PRMT3: variants seen among roughly 807,000 people sequenced by gnomAD.
PRMT3 encodes the protein protein arginine N-methyltransferase 3.
In PRMT3, 62 loss-of-function variants were observed where a neutral mutation model predicts 71.9. That is an observed-to-expected ratio of 0.86 (90% CI 0.70 to 1.07). The LOEUF is 1.07. Ranked by LOEUF, PRMT3 falls within the 50% of genes least tolerant of loss-of-function variation. The probability of loss-of-function intolerance (pLI) is 0.00; values close to 1 mark genes in which losing one functional copy is unlikely to be tolerated. For missense variants in PRMT3, 663 were observed against 643.0 expected (o/e 1.03, Z -0.34); for synonymous variants, 213 against 220.4 (o/e 0.97, Z 0.30).
chr11:20,446,559 G>A (rs974654488), intron 10 of PRMT3, among the ~76,000 whole-genome samples: 8 of 152,034 alleles, frequency 5.3e-5, no homozygotes, highest in Non-Finnish European at 8.8e-5. Flanking sequence ...TTCTCCATAA[G>A]CTCTATACCT....
intron 13 of PRMT3, among the ~76,000 whole-genome samples, chr11:20,491,532 G>A (rs778392247): frequency 9.2e-5 from 14 of 152,206 alleles, no homozygotes; most frequent in Non-Finnish European, 1.8e-4. Flanking sequence ...CGAGCAGACA[G>A]TTGACCAAGT....
chr11:20,476,052 AAAAC>A, intron 13 of PRMT3, among the ~76,000 whole-genome samples: 1 of 152,124 alleles, frequency 6.6e-6, no homozygotes, highest in Middle Eastern at 3.4e-3. Context: ...CAGGCACATA[AAAAC>A]AAATAAAACA....
At chr11:20,390,406 A>G (rs1361766066) in intron 3 of PRMT3, among the ~76,000 whole-genome samples, 2 of 152,236 alleles carry the variant, frequency 1.3e-5, no homozygotes, top group African/African-American at 4.8e-5. Flanking sequence ...ATGTGATTAC[A>G]TATTAGATTT....
chr11:20,388,597 C>T lies in PRMT3; in HGVS notation c.164+443C>T, dbSNP rs569451265. On this transcript the variant is annotated intron_variant, in intron 2 of 15. Coordinates refer to ENST00000331079, the MANE Select transcript of PRMT3 (RefSeq NM_005788.4). Reference sequence around the variant, plus strand: ...CTGAACTAGATAATCCCTACGGAGCCTTCCGGCTTTACCATGCTAATTCTT... The same window carrying T: ...CTGAACTAGATAATCCCTACGGAGCTTTCCGGCTTTACCATGCTAATTCTT... Among the ~76,000 whole-genome samples the T allele has an allele frequency of 3.3e-5, 5 of 152,360 alleles. No homozygotes were observed. In the South Asian group the frequency reaches 1.0e-3, roughly 32 times the overall value.
chr11:20,455,009 G>A (rs1252326551), intron 11 of PRMT3, among the ~76,000 whole-genome samples: 1 of 152,070 alleles, frequency 6.6e-6, no homozygotes, highest in Non-Finnish European at 1.5e-5. Flanking sequence ...GTTCATGAAA[G>A]CAGGTTTACT....
At chr11:20,425,875 A>C (rs948369666) in intron 9 of PRMT3, among the ~76,000 whole-genome samples, 1 of 152,174 alleles carries the variant, frequency 6.6e-6, no homozygotes, top group Non-Finnish European at 1.5e-5. Flanking sequence ...GAATGCACTG[A>C]ATTGTTTGTA....
chr11:20,414,116 G>A (rs978697548), intron 9 of PRMT3, among the ~76,000 whole-genome samples: 2 of 152,078 alleles, frequency 1.3e-5, no homozygotes, highest in Non-Finnish European at 2.9e-5. Context: ...ACTTTGGGAG[G>A]CTGAGGTAGA....
chr11:20,389,710 G>A (rs537695735), intron 2 of PRMT3, 34 bp from the exon 3 acceptor site: 1 of 1,442,864 alleles, frequency 6.9e-7, no homozygotes, highest in Admixed American at 1.7e-5. Flanking sequence ...CTTCTTAGGG[G>A]ACTATTCCAT....
At chr11:20,498,597 G>T (rs1483691709) in intron 15 of PRMT3, among the ~76,000 whole-genome samples, 1 of 152,130 alleles carries the variant, frequency 6.6e-6, no homozygotes, top group African/African-American at 2.4e-5. Context: ...GGACGTGGTA[G>T]CACGCACCTG....
chr11:20,413,075 C>T (rs1459513895), intron 9 of PRMT3, among the ~76,000 whole-genome samples: 1 of 45,134 alleles, frequency 2.2e-5, no homozygotes, highest in Non-Finnish European at 1.5e-4. Context: ...TTACTTAAAA[C>T]CTATGGATGT....
intron 15 of PRMT3, among the ~76,000 whole-genome samples, chr11:20,504,707 TGAGAGAGAGAGA>T (rs57201745): frequency 1.1e-3 from 148 of 133,644 alleles, no homozygotes; most frequent in East Asian, 2.9e-3. Flanking sequence ...TGTGTGTGTG[TGAGAGAGAGAGA>T]GAGAGAGAGA....
chr11:20,506,120 C>G (rs1213963424), intron 15 of PRMT3, among the ~76,000 whole-genome samples: 1 of 152,092 alleles, frequency 6.6e-6, no homozygotes, highest in African/African-American at 2.4e-5. Flanking sequence ...GCGCTTACCT[C>G]ATAGCAATAT....
At chr11:20,390,859 G>A (rs1393082228) in intron 3 of PRMT3, among the ~76,000 whole-genome samples, 3 of 152,164 alleles carry the variant, frequency 2.0e-5, no homozygotes, top group African/African-American at 4.8e-5. Context: ...GACCATCCTG[G>A]CTAACCCAGT....
chr11:20,487,708 G>T (rs1851109746), intron 13 of PRMT3, among the ~76,000 whole-genome samples: 1 of 152,126 alleles, frequency 6.6e-6, no homozygotes, highest in African/African-American at 2.4e-5. Flanking sequence ...AAATTTCAAT[G>T]AATATGGGTT....
rs145117201 is a variant in PRMT3 at position 20,508,239 on chromosome 11, A to G, written c.1487-65A>G. The G allele has an allele frequency of 2.6e-3, 2,219 of 850,430 alleles. 45 individuals carry two copies. The African/African-American group carries it at 0.034, about 13-fold the overall frequency. 52.7% of individuals were successfully genotyped at this position (850,430 alleles called of 1,614,324 possible). A position where few individuals can be genotyped will look rare whatever the true frequency, so the allele number is the denominator to read the frequency against. On this transcript the variant is annotated intron_variant, in intron 15 of 15. Coordinates refer to ENST00000331079, the MANE Select transcript of PRMT3 (RefSeq NM_005788.4). ...CAATAAAAAGAAGTGCTAGTTATAC[A>G]TTGTTTACTTTTCTGCTACACTGTA...
Position 20,464,566 on chromosome 11 carries a change from T to C in PRMT3, c.1347+20T>C, listed in dbSNP as rs770838153. On this transcript the variant is annotated intron_variant, in intron 13 of 15. Coordinates refer to ENST00000331079, the MANE Select transcript of PRMT3 (RefSeq NM_005788.4). ...TGCACGGTAAGCTATTTCATTCTGC[T>C]TTTACAAATTTCACTAGCAGTGCAG... 6 of 1,605,038 alleles carry C rather than the reference T, an allele frequency of 3.7e-6. No individual in the cohort carries two copies. Among genetic ancestry groups the C allele is most frequent in the Non-Finnish European group, 5.1e-6 (6 of 1,177,438 alleles).
intron 15 of PRMT3, among the ~76,000 whole-genome samples, chr11:20,496,789 G>C (rs1333622933): frequency 6.6e-6 from 1 of 152,142 alleles, no homozygotes; most frequent in African/African-American, 2.4e-5. Context: ...TATAGCTTCA[G>C]TTTCACTGTT....
At chr11:20,449,485 T>C (rs1181645206) in intron 10 of PRMT3, among the ~76,000 whole-genome samples, 3 of 152,182 alleles carry the variant, frequency 2.0e-5, no homozygotes, top group African/African-American at 7.2e-5. Context: ...AGAACTTGTA[T>C]AGTGAGATCA....
At chr11:20,475,820 A>G (rs1043830549) in intron 13 of PRMT3, among the ~76,000 whole-genome samples, 7 of 151,038 alleles carry the variant, frequency 4.6e-5, no homozygotes, top group Admixed American at 2.0e-4. Flanking sequence ...ACGCCCAGCT[A>G]ATTTTTCTAT....
Sources: gnomAD v4.1 joint callset for allele counts (sites outside exome capture counted in the v4.1 genomes callset) on GRCh38, gnomAD v4.1.1 for gene constraint, MANE v1.5 for transcripts, NCBI Gene and HGNC (gene_info 2026-07-23, HGNC 2026-07-21) for gene names.